The following ARID4A variants were observed in gnomAD, a reference collection of about 807,000 sequenced individuals.
The protein encoded by ARID4A is AT-rich interaction domain 4A, also known as AT-rich interactive domain-containing protein 4A.
Under a neutral mutation model 148.6 loss-of-function variants are expected in ARID4A, and 39 were observed. The observed-to-expected ratio is 0.26, with a 90% CI of 0.20 to 0.34. ARID4A has a LOEUF of 0.34. Among genes scored for constraint, ARID4A ranks in the 10% least tolerant of loss-of-function variants. The pLI is 1.00. For missense variants in ARID4A, 1,265 were observed against 1,449.1 expected, an observed-to-expected ratio of 0.87 and a Z score of 2.06; for synonymous variants, 475 against 481.2, an observed-to-expected ratio of 0.99 and a Z score of 0.17.
intron 3 of ARID4A, chr14:58,303,586 C>T (rs2031367698): frequency 2.1e-6 from 1 of 470,382 alleles, no homozygotes; most frequent in Non-Finnish European, 4.4e-6. Flanking sequence ...CTATGCCCAA[C>T]ACATAGAGTA....
chr14:58,369,635 A>G (rs1241849028), intron 23 of ARID4A, among the ~76,000 whole-genome samples: 2 of 141,510 alleles, frequency 1.4e-5, no homozygotes, highest in Admixed American at 1.4e-4. Context: ...AAAAAAAAGT[A>G]GATTCTAAAA....
At chr14:58,368,760 T>C (rs1324130361) in intron 23 of ARID4A, among the ~76,000 whole-genome samples, 5 of 152,238 alleles carry the variant, frequency 3.3e-5, no homozygotes, top group African/African-American at 1.2e-4. Flanking sequence ...CAAAATTCAT[T>C]TATGTTTCAT....
intron 19 of ARID4A, 125 bp downstream of exon 19, chr14:58,361,167 T>C: frequency 7.2e-7 from 1 of 1,389,576 alleles, no homozygotes; most frequent in African/African-American, 1.5e-5. Context: ...AAACTTCCAT[T>C]GTGTGAAATA....
At chr14:58,313,296 AGTGCTG>A (rs1790426400) in intron 5 of ARID4A, among the ~76,000 whole-genome samples, 1 of 152,178 alleles carries the variant, frequency 6.6e-6, no homozygotes, top group South Asian at 2.1e-4. Flanking sequence ...CATGGATGGA[AGTGCTG>A]GGGGATGGTT....
intron 9 of ARID4A, among the ~76,000 whole-genome samples, chr14:58,329,184 AAAAT>A (rs986778892): frequency 1.5e-4 from 23 of 152,198 alleles, no homozygotes; most frequent in Middle Eastern, 3.2e-3. Flanking sequence ...ACTAAAATGA[AAAAT>A]AAATTTCACA....
At chr14:58,328,992 A>T (rs1047897763) in intron 9 of ARID4A, among the ~76,000 whole-genome samples, 2 of 14,902 alleles carry the variant, frequency 1.3e-4, no homozygotes, top group African/African-American at 1.1e-3. Flanking sequence ...ACTCTGTCTC[A>T]AAAAAAAAAA....
chr14:58,305,881 AATG>A (rs1199844713), intron 4 of ARID4A, 138 bp from the exon 5 acceptor site: 1 of 632,680 alleles, frequency 1.6e-6, no homozygotes, highest in Non-Finnish European at 2.8e-6. Flanking sequence ...AAGTACTATG[AATG>A]ATAAAGATCT....
chr14:58,361,391 T>A (rs1426320494), intron 19 of ARID4A, among the ~76,000 whole-genome samples: 1 of 152,200 alleles, frequency 6.6e-6, no homozygotes, highest in Non-Finnish European at 1.5e-5. Context: ...AAATAAAGAT[T>A]GTGTTATTTG....
intron 5 of ARID4A, among the ~76,000 whole-genome samples, chr14:58,307,060 C>CTG (rs1566666949): frequency 6.6e-6 from 1 of 152,164 alleles, no homozygotes; most frequent in East Asian, 1.9e-4. Context: ...TAAATAGTTG[C>CTG]TGTCATTATG....
chr14:58,325,178 C>T (rs141271437), intron 8 of ARID4A, among the ~76,000 whole-genome samples: 1 of 152,264 alleles, frequency 6.6e-6, no homozygotes, highest in East Asian at 1.9e-4. Flanking sequence ...TCTCTTCCTA[C>T]TCCTTTACTT....
At chr14:58,313,384 G>A (rs1380966914) in intron 5 of ARID4A, among the ~76,000 whole-genome samples, 1 of 152,178 alleles carries the variant, frequency 6.6e-6, no homozygotes, top group Non-Finnish European at 1.5e-5. Context: ...CCTATTGGTA[G>A]ATCCCTCGCT....
chr14:58,305,918 C>T, intron 4 of ARID4A, 104 bp from the exon 5 acceptor site: 1 of 775,600 alleles, frequency 1.3e-6, no homozygotes, highest in Non-Finnish European at 2.2e-6. Context: ...ATAGAATTAT[C>T]ATAAGTATGG....
In ARID4A at chr14:58,365,143, C is replaced by T. The variant is rs746193550; in HGVS notation, c.3054C>T (p.Ser1018=). The T allele has an allele frequency of 5.0e-6, 8 of 1,613,840 alleles. No homozygotes were observed. The highest frequency in any genetic ancestry group is 1.1e-5 in the South Asian group (1 of 91,074). The change falls in exon 20 of 24, where the codon AGC becomes AGT. Residue 1018 remains serine, a synonymous_variant. Transcript: ENST00000355431. Reference sequence around the variant, plus strand: ...CTCTTAGTCAAGATGAGTCTCGAAGCGTAAAAAGTGAGAGTGATATAACGA... The same window carrying T: ...CTCTTAGTCAAGATGAGTCTCGAAGTGTAAAAAGTGAGAGTGATATAACGA... ...PLTLSQDESR[S]VKSESDITIE... is the part of the protein sequence containing the mutation.
intron 22 of ARID4A, 25 bp from the exon 23 acceptor site, chr14:58,366,858 A>G (rs919390555): frequency 5.5e-6 from 8 of 1,466,458 alleles, no homozygotes; most frequent in Non-Finnish European, 5.4e-6. Context: ...TTAAAATCCA[A>G]ATTAACTTCT....
At chr14:58,369,954 G>A (rs2035531505) in intron 23 of ARID4A, 1 of 152,264 alleles carries the variant, frequency 6.6e-6, no homozygotes, top group Admixed American at 6.5e-5. Flanking sequence ...TAAATTACCT[G>A]ATAGGGTTGA....
At chr14:58,309,384 A>G (rs2031849562) in intron 5 of ARID4A, among the ~76,000 whole-genome samples, 1 of 152,082 alleles carries the variant, frequency 6.6e-6, no homozygotes, top group Non-Finnish European at 1.5e-5. Flanking sequence ...TTCCTACCAT[A>G]GTTTACTCAT....
chr14:58,364,803 A>G lies in ARID4A; in HGVS notation c.2714A>G (p.Glu905Gly), dbSNP rs752070352. Residue 905 changes from glutamate to glycine, a missense_variant, in exon 20 of 24, where the codon GAA becomes GGA. This residue lies in a region of ARID4A where 666 missense variants were observed against 730.9 expected (regional missense o/e 0.91). Coordinates refer to ENST00000355431, the MANE Select transcript of ARID4A (RefSeq NM_002892.4). ...AACTTAAATTTTGAACAGCACTTTG[A>G]AAGAGAAAATGAAGGAATGCCATCA... ...MKNLNFEQHF[E>G]RENEGMPSLI... 6.2e-7 allele frequency: 1 copy of G among 1,614,146 alleles called. No individual in the cohort carries two copies. The highest frequency in any genetic ancestry group is 2.2e-5 in the East Asian group (1 of 44,876).
rs778093951 is a variant in ARID4A at position 58,364,829 on chromosome 14, T to G, written c.2740T>G (p.Leu914Val). The G allele has an allele frequency of 3.1e-6, 5 of 1,614,118 alleles. No homozygotes were observed. Among genetic ancestry groups the G allele is most frequent in the Non-Finnish European group, 3.4e-6 (4 of 1,180,026 alleles). ...AAGAGAAAATGAAGGAATGCCATCA[T>G]TGATAGCAGAGTCAAACCAATGCAT... is the stretch of plus-strand genomic sequence containing the variant. ...FERENEGMPS[L>V]IAESNQCIQQ... is the part of the protein sequence containing the mutation. Residue 914 changes from leucine (L) to valine (V), a missense_variant, in exon 20 of 24, where the codon TTG becomes GTG. By Grantham distance (32) the Leu-to-Val change is conservative. This residue lies in a region of ARID4A where 666 missense variants were observed against 730.9 expected (regional missense o/e 0.91). Transcript: ENST00000355431.
intron 12 of ARID4A, among the ~76,000 whole-genome samples, chr14:58,345,597 G>A (rs933516957): frequency 1.3e-5 from 2 of 151,934 alleles, no homozygotes; most frequent in African/African-American, 4.8e-5. Flanking sequence ...TAAACATTCT[G>A]TGTGGCCTTC....
Sources: gnomAD v4.1 joint callset for allele counts (sites outside exome capture counted in the v4.1 genomes callset) on GRCh38, gnomAD v4.1.1 for gene constraint, gnomAD v4.1.1 regional missense constraint, MANE v1.5 for transcripts, NCBI Gene and HGNC (gene_info 2026-07-23, HGNC 2026-07-21) for gene names.